DLG1: variants seen among roughly 807,000 people sequenced by gnomAD.
DLG1 encodes disks large homolog 1.
Under a neutral mutation model 123.4 loss-of-function variants are expected in DLG1, and 42 were observed. The observed-to-expected ratio is 0.34, with a 90% CI of 0.27 to 0.44. The LOEUF (loss-of-function observed/expected upper bound fraction) is 0.44, where lower values mean the gene tolerates loss of function less well. Among genes scored for constraint, DLG1 ranks in the 20% least tolerant of loss-of-function variants. The pLI, the probability that DLG1 is intolerant of heterozygous loss-of-function variation, is 1.00. For synonymous variants in DLG1, 317 were observed against 356.2 expected (o/e 0.89, Z 1.24); for missense variants, 942 against 1,082.6 (o/e 0.87, Z 1.82).
intron 5 of DLG1, among the ~76,000 whole-genome samples, chr3:197,177,176 G>T (rs1807569336): frequency 6.6e-6 from 1 of 152,032 alleles, no homozygotes; most frequent in Non-Finnish European, 1.5e-5. Flanking sequence ...TATTAATTTC[G>T]CAAAGTTAGT....
At chr3:197,186,445 ATTC>A (rs1373149457) in intron 5 of DLG1, among the ~76,000 whole-genome samples, 4 of 152,218 alleles carry the variant, frequency 2.6e-5, no homozygotes, top group African/African-American at 9.6e-5. Context: ...TACAAAGAAT[ATTC>A]TTTTTTCCGT....
At chr3:197,096,485 C>T (rs1490957310) in intron 14 of DLG1, among the ~76,000 whole-genome samples, 3 of 152,082 alleles carry the variant, frequency 2.0e-5, no homozygotes, top group Admixed American at 1.3e-4. Context: ...AATGGGCCAC[C>T]GAAAATCTCC....
At chr3:197,093,558 C>G (rs1368439863) in intron 14 of DLG1, among the ~76,000 whole-genome samples, 7 of 102,548 alleles carry the variant, frequency 6.8e-5, no homozygotes, top group African/African-American at 2.1e-4. Context: ...AAGATGTCAT[C>G]CACGCTTTTT....
intron 11 of DLG1, among the ~76,000 whole-genome samples, chr3:197,126,391 T>C (rs1178947036): frequency 6.6e-6 from 1 of 151,896 alleles, no homozygotes; most frequent in Non-Finnish European, 1.5e-5. Context: ...GGCTTGAATC[T>C]GGGAGGCAGA....
At chr3:197,077,827 C>G (rs1216205330) in intron 17 of DLG1, among the ~76,000 whole-genome samples, 2 of 152,090 alleles carry the variant, frequency 1.3e-5, no homozygotes, top group African/African-American at 4.8e-5. Flanking sequence ...ACGGGCTTAC[C>G]TACCAGTGAC....
intron 4 of DLG1, among the ~76,000 whole-genome samples, chr3:197,227,589 C>G (rs549874179): frequency 2.0e-5 from 3 of 152,310 alleles, no homozygotes; most frequent in African/African-American, 7.2e-5. Flanking sequence ...GTAAGCAAAG[C>G]TGTTTGTGGA....
intron 22 of DLG1, among the ~76,000 whole-genome samples, chr3:197,063,933 T>TC (rs1737615451): frequency 6.6e-6 from 1 of 151,072 alleles, no homozygotes; most frequent in South Asian, 2.1e-4. Context: ...TTTACATTTT[T>TC]TTTTTTTTTT....
chr3:197,296,369 C>G lies in DLG1; in HGVS notation c.128G>C (p.Ser43Thr). The change falls in exon 3 of 25, where the codon AGC (serine) becomes ACC (threonine). Residue 43 changes from serine (S) to threonine (T), a missense_variant. Ser to Thr is a moderately conservative substitution (Grantham distance 58). Transcript: ENST00000667157. ...SIERVINIFQ[S>T]NLFQALIDIQ... ...ACCTATTAAAGCCTGAAAGAGGTTG[C>G]TCTGAAATATGTTAATAACCCGTTC... is the stretch of plus-strand genomic sequence containing the variant. The G allele has an allele frequency of 6.2e-7, 1 of 1,613,522 alleles. No homozygotes were observed. The highest frequency in any genetic ancestry group is 1.7e-5 in the Admixed American group (1 of 60,014).
intron 5 of DLG1, among the ~76,000 whole-genome samples, chr3:197,175,097 T>C (rs564577524): frequency 1.3e-5 from 2 of 152,202 alleles, no homozygotes; most frequent in African/African-American, 4.8e-5. Flanking sequence ...GTTGCGTGTA[T>C]AGGCTTCTAT....
At position 197,288,209 on chromosome 3, in the gene DLG1, CA is replaced by C. The variant is rs1772773687; in HGVS notation, c.152-5365del. Among the ~76,000 whole-genome samples, 4 of 151,550 alleles carry C rather than the reference CA, an allele frequency of 2.6e-5. No individual in the cohort carries two copies. The South Asian group carries it at 8.4e-4, about 32-fold the overall frequency. On this transcript the variant is annotated intron_variant, in intron 3 of 24. Coordinates refer to ENST00000667157, the MANE Select transcript of DLG1 (RefSeq NM_001366207.1). Reference sequence around the variant, plus strand: ...TGAAACCCTGTCTCTACTAAAAATGCAAAAACTAGCTAGGCGTGGTGGCGCA... The same window carrying C: ...TGAAACCCTGTCTCTACTAAAAATGCAAAACTAGCTAGGCGTGGTGGCGCA...
intron 11 of DLG1, among the ~76,000 whole-genome samples, chr3:197,127,074 C>T (rs921675544): frequency 1.3e-5 from 2 of 151,988 alleles, no homozygotes; most frequent in African/African-American, 4.8e-5. Context: ...TCCACCAATA[C>T]AAACACATTA....
intron 4 of DLG1, among the ~76,000 whole-genome samples, chr3:197,272,348 C>T (rs1403319797): frequency 6.7e-6 from 1 of 148,984 alleles, no homozygotes; most frequent in South Asian, 2.1e-4. Flanking sequence ...AAGACCTCCT[C>T]TAAGGAAAAA....
chr3:197,054,254 C>T (rs35151055), intron 23 of DLG1, among the ~76,000 whole-genome samples: 79,092 of 151,886 alleles, frequency 0.52, 21,069 homozygotes, highest in East Asian at 0.77. Context: ...AGTTCATTGA[C>T]TTTCTTGGAT....
At chr3:197,055,714 G>C (rs890904827) in intron 23 of DLG1, among the ~76,000 whole-genome samples, 1 of 152,114 alleles carries the variant, frequency 6.6e-6, no homozygotes, top group East Asian at 1.9e-4. Flanking sequence ...TCTGTGGTGT[G>C]GGGGGAAGAG....
At chr3:197,291,114 C>A (rs1774636682) in intron 3 of DLG1, among the ~76,000 whole-genome samples, 1 of 152,022 alleles carries the variant, frequency 6.6e-6, no homozygotes. Context: ...AAAGAGAATT[C>A]AGCCAGATTC....
intron 5 of DLG1, among the ~76,000 whole-genome samples, chr3:197,170,201 G>C (rs1344582882): frequency 6.6e-6 from 1 of 152,118 alleles, no homozygotes; most frequent in African/African-American, 2.4e-5. Context: ...TTGCTACTGT[G>C]AATAGTGCTG....
intron 4 of DLG1, among the ~76,000 whole-genome samples, chr3:197,257,026 C>A (rs1432175773): frequency 6.6e-6 from 1 of 152,034 alleles, no homozygotes; most frequent in Non-Finnish European, 1.5e-5. Flanking sequence ...AACAATCAGC[C>A]AACAGTAGAG....
intron 5 of DLG1, among the ~76,000 whole-genome samples, chr3:197,160,963 T>C (rs2149887075): frequency 6.6e-6 from 1 of 152,318 alleles, no homozygotes; most frequent in Non-Finnish European, 1.5e-5. Flanking sequence ...TGGATAACTG[T>C]TGGAAGGGCA....
chr3:197,132,490 T>C (rs113824320), intron 10 of DLG1, among the ~76,000 whole-genome samples: 72 of 152,370 alleles, frequency 4.7e-4, no homozygotes, highest in Non-Finnish European at 7.6e-4. Context: ...ATGATTAACA[T>C]TGCTTTGCAG....
Sources: allele counts gnomAD v4.1 joint callset (sites outside exome capture counted in the v4.1 genomes callset), GRCh38; gene constraint gnomAD v4.1.1; transcripts MANE v1.5; gene names NCBI Gene and HGNC (gene_info 2026-07-23, HGNC 2026-07-21).